Variants in DLC1 observed in about 807,000 individuals in gnomAD.
DLC1 encodes DLC1 Rho GTPase activating protein.
In DLC1, 54 loss-of-function variants were observed where a neutral mutation model predicts 140.3. That is an observed-to-expected ratio of 0.38 (90% CI 0.31 to 0.48). The LOEUF is 0.48. Among genes scored for constraint, DLC1 ranks in the 20% least tolerant of loss-of-function variants. DLC1 has a pLI of 0.96. For missense variants in DLC1, 2,536 were observed against 1,907.0 expected (o/e 1.33, Z -6.14); for synonymous variants, 986 against 728.1 (o/e 1.35, Z -5.70).
chr8:13,336,825 T>C (rs1475612207), intron 4 of DLC1, among the ~76,000 whole-genome samples: 1 of 152,138 alleles, frequency 6.6e-6, no homozygotes, highest in East Asian at 1.9e-4. Flanking sequence ...TAAATGGATA[T>C]TATTGCTATG....
Position 13,226,327 on chromosome 8 carries a change from G to A in DLC1, c.1348+78942C>T, listed in dbSNP as rs935009432. Among the ~76,000 whole-genome samples, 9 of 152,198 alleles carry A rather than the reference G, an allele frequency of 5.9e-5. 1 individual carries two copies. The highest frequency in any genetic ancestry group is 5.2e-4 in the Admixed American group (8 of 15,274). On this transcript the variant is annotated intron_variant, in intron 5 of 17. Transcript: ENST00000276297. ...CAGATATATTTTTATATTCACCTGT[G>A]TAATATTCAGGTAGAGACACAGATA...
chr8:13,109,030 G>A (rs1367749061), intron 7 of DLC1, among the ~76,000 whole-genome samples: 2 of 152,156 alleles, frequency 1.3e-5, no homozygotes, highest in Admixed American at 6.5e-5. Context: ...GCGTTTCTGT[G>A]GTTAAGAGGA....
chr8:13,320,726 G>T (rs897082466), intron 4 of DLC1, among the ~76,000 whole-genome samples: 1 of 152,258 alleles, frequency 6.6e-6, no homozygotes, highest in African/African-American at 2.4e-5. Context: ...TTGTTGAAAA[G>T]AACTTAGGCT....
In DLC1 at chr8:13,285,410, G is replaced by C. The variant is rs75105803; in HGVS notation, c.1348+19859C>G. 2.6e-4 allele frequency among the ~76,000 whole-genome samples: 39 copies of C among 152,238 alleles called. 1 individual carries two copies. In the East Asian group the frequency reaches 6.4e-3, roughly 25 times the overall value. On this transcript the variant is annotated intron_variant, in intron 5 of 17. Transcript: ENST00000276297. Reference sequence around the variant, plus strand: ...AAACATTAACTCTAAATGGAACATAGACCACAGACCTAAATGTAGGAGTAA... The same window carrying C: ...AAACATTAACTCTAAATGGAACATACACCACAGACCTAAATGTAGGAGTAA...
intron 4 of DLC1, among the ~76,000 whole-genome samples, chr8:13,388,603 G>GC (rs1234807237): frequency 4.0e-5 from 6 of 151,802 alleles, no homozygotes; most frequent in African/African-American, 1.2e-4. Flanking sequence ...TTCAACACAG[G>GC]CTTTTTGAAA....
intron 5 of DLC1, among the ~76,000 whole-genome samples, chr8:13,257,344 G>C (rs1830275972): frequency 6.6e-6 from 1 of 150,888 alleles, no homozygotes; most frequent in South Asian, 2.1e-4. Context: ...GGCTGATTTA[G>C]GTGGATCACT....
intron 5 of DLC1, among the ~76,000 whole-genome samples, chr8:13,226,692 G>C (rs550983874): frequency 6.6e-6 from 1 of 152,302 alleles, no homozygotes; most frequent in Non-Finnish European, 1.5e-5. Context: ...GTCAGGAAGT[G>C]TGACCTGAAT....
At chr8:13,374,908 C>T (rs930979436) in intron 4 of DLC1, among the ~76,000 whole-genome samples, 9 of 152,222 alleles carry the variant, frequency 5.9e-5, no homozygotes, top group Non-Finnish European at 1.2e-4. Context: ...AGAGGTCCTT[C>T]ACATCCCTTG....
intron 8 of DLC1, 147 bp downstream of exon 8, chr8:13,102,643 C>T: frequency 1.4e-6 from 1 of 711,226 alleles, no homozygotes; most frequent in East Asian, 2.5e-5. Flanking sequence ...ATAAGGCTAT[C>T]AAGTCTAGGC....
chr8:13,508,632 A>G (rs1437308445), intron 1 of DLC1, among the ~76,000 whole-genome samples: 2 of 151,966 alleles, frequency 1.3e-5, no homozygotes, highest in Non-Finnish European at 2.9e-5. Context: ...GTTAGCCAGG[A>G]TGGTCTTGAT....
intron 1 of DLC1, among the ~76,000 whole-genome samples, chr8:13,577,357 G>A (rs1264833750): frequency 2.0e-5 from 3 of 152,110 alleles, no homozygotes; most frequent in East Asian, 1.9e-4. Context: ...GTCAGTGTCC[G>A]TGTCCACAGA....
In DLC1 at chr8:13,090,279, C is replaced by T. The variant is rs1301080626; in HGVS notation, c.4047G>A (p.Ser1349=). Residue 1349 remains serine, a synonymous_variant, in exon 15 of 18, where the codon TCG becomes TCA. Transcript: ENST00000276297. The part of the protein sequence containing the change: ...KFKGWVSYST[S]EQAELSYKKV... Reference sequence around the variant, plus strand: ...TCTTATAGGACAGCTCAGCCTGCTCCGAAGTGGAGTAGCTGACCCAGCCTT... The same window carrying T: ...TCTTATAGGACAGCTCAGCCTGCTCTGAAGTGGAGTAGCTGACCCAGCCTT... 10 of 1,614,128 alleles carry T rather than the reference C, an allele frequency of 6.2e-6. No individual in the cohort carries two copies. Among genetic ancestry groups the T allele is most frequent in the Middle Eastern group, 1.6e-4 (1 of 6,062 alleles).
rs139309550 is a variant in DLC1 at position 13,576,883 on chromosome 8, G to C, written c.-126+27654C>G. On this transcript the variant is annotated intron_variant, in intron 1 of 1. Coordinates refer to the DLC1 transcript ENST00000631382. The stretch of plus-strand genomic sequence containing the variant: ...ATATTGTGTCCCTTTGAAGGTTAAG[G>C]CCAAGCGTGGCTGTTGAAAATGGCA... 2.0e-5 allele frequency among the ~76,000 whole-genome samples: 3 copies of C among 152,300 alleles called. No individual in the cohort carries two copies. The East Asian group carries it at 5.8e-4, about 29-fold the overall frequency.
intron 4 of DLC1, among the ~76,000 whole-genome samples, chr8:13,308,731 C>T (rs766478700): frequency 6.6e-6 from 1 of 152,108 alleles, no homozygotes; most frequent in Non-Finnish European, 1.5e-5. Context: ...TTAGTCACAT[C>T]ACTGGTGTGT....
rs1036730546 is a variant in DLC1 at position 13,576,466 on chromosome 8, C to T, written c.-126+28071G>A. Among the ~76,000 whole-genome samples the T allele has an allele frequency of 9.2e-5, 14 of 152,104 alleles. No individual in the cohort carries two copies. In the East Asian group the frequency reaches 9.7e-4, roughly 10 times the overall value. On this transcript the variant is annotated intron_variant, in intron 1 of 1. Coordinates refer to the DLC1 transcript ENST00000631382. ...AAATTTATAATGAGAATGTAAACAT[C>T]GAAATATATAAAAAATGTAAACATA...
At chr8:13,271,660 C>T (rs1830935952) in intron 5 of DLC1, among the ~76,000 whole-genome samples, 1 of 152,088 alleles carries the variant, frequency 6.6e-6, no homozygotes, top group Admixed American at 6.6e-5. Flanking sequence ...GTTTTTTCTT[C>T]TTTCTCTTAA....
At chr8:13,154,222 C>T (rs1238125088) in intron 5 of DLC1, among the ~76,000 whole-genome samples, 1 of 152,236 alleles carries the variant, frequency 6.6e-6, no homozygotes, top group African/African-American at 2.4e-5. Flanking sequence ...TTGCGCTCCT[C>T]AGCCCTCGGG....
chr8:13,333,532 A>G (rs1160204455), intron 4 of DLC1, among the ~76,000 whole-genome samples: 2 of 152,162 alleles, frequency 1.3e-5, no homozygotes, highest in Non-Finnish European at 1.5e-5. Context: ...CAACAGGTGT[A>G]AACGATCATG....
intron 5 of DLC1, among the ~76,000 whole-genome samples, chr8:13,295,942 GTTTTTTTTTT>G (rs71207138): frequency 5.5e-5 from 4 of 72,898 alleles, no homozygotes; most frequent in East Asian, 5.7e-4. Flanking sequence ...AAGATTCTTT[GTTTTTTTTTT>G]TTTTTTTTTT....
Sources: allele counts gnomAD v4.1 joint callset (sites outside exome capture counted in the v4.1 genomes callset), GRCh38; gene constraint gnomAD v4.1.1; transcripts MANE v1.5; gene names NCBI Gene and HGNC (gene_info 2026-07-23, HGNC 2026-07-21).